Variants in ABCC3 observed in about 807,000 individuals in gnomAD.
ABCC3 encodes the protein ATP-binding cassette sub-family C member 3.
In ABCC3, 121 loss-of-function variants were observed where a neutral mutation model predicts 165.3. That is an observed-to-expected ratio of 0.73 (90% confidence interval 0.63 to 0.85). ABCC3 has a LOEUF of 0.85. Among genes scored for constraint, ABCC3 ranks in the 40% least tolerant of loss-of-function variants. The pLI is 0.00. For missense variants in ABCC3, 1,869 were observed against 1,964.1 expected (o/e 0.95, Z 0.92); for synonymous variants, 733 against 810.1 (o/e 0.90, Z 1.62).
rs749371834 is a variant in ABCC3 at position 50,639,872 on chromosome 17, TC to T, written c.45+4893del. On this transcript the variant is annotated intron_variant, in intron 1 of 30. Coordinates refer to ENST00000285238, the MANE Select transcript of ABCC3 (RefSeq NM_003786.4). ...TCCACCTCCCAGGTTCAAGCAATCC[TC>T]CTGCCTCAGCCTCCCAAGTAGCTGG... 4.0e-5 allele frequency among the ~76,000 whole-genome samples: 6 copies of T among 151,802 alleles called. No individual in the cohort carries two copies. The East Asian group carries it at 1.2e-3, about 29-fold the overall frequency.
At chr17:50,645,197 C>A (rs1330186470) in intron 1 of ABCC3, among the ~76,000 whole-genome samples, 1 of 143,478 alleles carries the variant, frequency 7.0e-6, no homozygotes, top group African/African-American at 2.7e-5. Flanking sequence ...CGAGACTTGG[C>A]CTTAAAAAAA....
At chr17:50,682,125 G>T (rs1395395561) in intron 26 of ABCC3, among the ~76,000 whole-genome samples, 1 of 152,040 alleles carries the variant, frequency 6.6e-6, no homozygotes, top group African/African-American at 2.4e-5. Flanking sequence ...AGCAGGGCTG[G>T]CTCCACAGGA....
intron 3 of ABCC3, 37 bp downstream of exon 3, chr17:50,656,864 T>C: frequency 6.3e-7 from 1 of 1,582,420 alleles, no homozygotes; most frequent in Non-Finnish European, 8.6e-7. Flanking sequence ...ATGGGGGAGG[T>C]CTCCATTGGG....
At position 50,657,163 on chromosome 17, in the gene ABCC3, A is replaced by T; in HGVS notation, c.466A>T (p.Ile156Phe). The T allele has an allele frequency of 6.2e-7, 1 of 1,614,060 alleles. No individual in the cohort carries two copies. The highest frequency in any genetic ancestry group is 8.5e-7 in the Non-Finnish European group (1 of 1,179,970). The change falls in exon 4 of 31, where the codon ATC becomes TTC. Residue 156 changes from isoleucine (I) to phenylalanine (F), a missense_variant. Ile to Phe is a conservative substitution (Grantham distance 21). Coordinates refer to ENST00000285238, the MANE Select transcript of ABCC3 (RefSeq NM_003786.4). ...VCAIVPFRSK[I>F]LLAKAEGEIS... is the part of the protein sequence containing the mutation. ...CGCCATCGTCCCATTCCGCTCCAAGATCCTTTTAGCCAAGGCAGAGGTAAG... is the reference window on the plus strand; with the variant it reads ...CGCCATCGTCCCATTCCGCTCCAAGTTCCTTTTAGCCAAGGCAGAGGTAAG...
intron 29 of ABCC3, among the ~76,000 whole-genome samples, chr17:50,686,031 G>A (rs921343735): frequency 2.0e-5 from 3 of 152,032 alleles, no homozygotes; most frequent in Non-Finnish European, 2.9e-5. Context: ...CCCTGTCTCT[G>A]CTAAACACAA....
At position 50,661,029 on chromosome 17, in the gene ABCC3, G is replaced by T. The variant is rs763471654; in HGVS notation, c.913G>T (p.Ala305Ser). 3 of 1,614,128 alleles carry T rather than the reference G, an allele frequency of 1.9e-6. No individual in the cohort carries two copies. Among genetic ancestry groups the T allele is most frequent in the Non-Finnish European group, 2.5e-6 (3 of 1,180,006 alleles). The change falls in exon 8 of 31, where the codon GCC becomes TCC. Residue 305 changes from alanine (A) to serine (S), a missense_variant. Transcript: ENST00000285238. Reference protein sequence around the residue: ...RKPSFLKALLATFGSSFLISA... With the variant: ...RKPSFLKALLSTFGSSFLISA... ...GCCCTCCTTCCTGAAGGCCCTGCTGGCCACCTTCGGCTCCAGCTTCCTCAT... is the reference window on the plus strand; with the variant it reads ...GCCCTCCTTCCTGAAGGCCCTGCTGTCCACCTTCGGCTCCAGCTTCCTCAT...
At chr17:50,670,778 C>A (rs1468823501) in intron 17 of ABCC3, among the ~76,000 whole-genome samples, 1 of 152,016 alleles carries the variant, frequency 6.6e-6, no homozygotes, top group Non-Finnish European at 1.5e-5. Context: ...GCCATGGAAC[C>A]CTGTATGGGG....
chr17:50,669,608 C>A, intron 17 of ABCC3, 80 bp downstream of exon 17: 1 of 1,464,000 alleles, frequency 6.8e-7, no homozygotes, highest in Non-Finnish European at 9.4e-7. Flanking sequence ...ATATATTCAT[C>A]CCTTCATTCA....
intron 30 of ABCC3, among the ~76,000 whole-genome samples, chr17:50,687,962 T>TC (rs920449198): frequency 1.3e-5 from 2 of 148,148 alleles, no homozygotes; most frequent in Non-Finnish European, 3.0e-5. Flanking sequence ...TTCTTCTTCT[T>TC]TTTTTTTTTT....
chr17:50,659,066 C>T, intron 6 of ABCC3, 171 bp from the exon 7 acceptor site: 1 of 736,430 alleles, frequency 1.4e-6, no homozygotes, highest in Non-Finnish European at 2.2e-6. Flanking sequence ...GAGCCAGTGA[C>T]CTCAAGCCTA....
At chr17:50,649,716 A>AGAAGGAAG (rs757041081) in intron 1 of ABCC3, among the ~76,000 whole-genome samples, 1 of 151,280 alleles carries the variant, frequency 6.6e-6, no homozygotes, top group South Asian at 2.1e-4. Context: ...AGGGAAAGAA[A>AGAAGGAAG]GAAGGAAGGA....
chr17:50,655,404 C>CAAAAAAAAAAAA (rs58586394), intron 1 of ABCC3, among the ~76,000 whole-genome samples: 3 of 56,534 alleles, frequency 5.3e-5, no homozygotes, highest in Middle Eastern at 0.018. Context: ...GACTCTGTCT[C>CAAAAAAAAAAAA]AAAAAAAAAA....
rs547018102 is a variant in ABCC3 at position 50,668,056 on chromosome 17, G to T, written c.1782+47G>T. On this transcript the variant is annotated intron_variant, in intron 13 of 30. Coordinates refer to ENST00000285238, the MANE Select transcript of ABCC3 (RefSeq NM_003786.4). The stretch of plus-strand genomic sequence containing the variant: ...GGCTCTACTGGAGTTGGAACAGGTT[G>T]TTGGGGTCAGGGAAGGGTCACTTAG... The T allele has an allele frequency of 2.8e-4, 428 of 1,556,202 alleles. 7 individuals carry two copies. The South Asian group carries it at 4.6e-3, about 17-fold the overall frequency.
intron 23 of ABCC3, among the ~76,000 whole-genome samples, chr17:50,676,893 G>C (rs1037350963): frequency 4.6e-5 from 7 of 150,760 alleles, no homozygotes; most frequent in African/African-American, 1.5e-4. Context: ...TTTTGGGGGG[G>C]GGGGGACGGA....
intron 18 of ABCC3, 148 bp downstream of exon 18, chr17:50,673,286 G>A: frequency 8.1e-7 from 1 of 1,238,760 alleles, no homozygotes; most frequent in Non-Finnish European, 1.1e-6. Context: ...AGAAACCTGT[G>A]GGGACAACTC....
intron 1 of ABCC3, among the ~76,000 whole-genome samples, chr17:50,644,489 A>C (rs79329181): frequency 6.6e-6 from 1 of 151,628 alleles, no homozygotes; most frequent in Admixed American, 6.6e-5. Context: ...AGGCTGGCAG[A>C]TCACTTGAGG....
At chr17:50,680,483 A>C (rs1337799122) in intron 26 of ABCC3, among the ~76,000 whole-genome samples, 3 of 152,132 alleles carry the variant, frequency 2.0e-5, no homozygotes, top group Non-Finnish European at 4.4e-5. Context: ...AGTGTCAAGC[A>C]TCCCATCTTT....
rs1407406579 is a variant in ABCC3 at position 50,672,513 on chromosome 17, C to A, written c.2242-458C>A. ...GGAGGACTTACCCTTTACCTCTGTC[C>A]CTCACAGCATTGCAGGGACAGACTA... On this transcript the variant is annotated intron_variant, in intron 17 of 30. Transcript: ENST00000285238. 2.6e-5 allele frequency among the ~76,000 whole-genome samples: 4 copies of A among 152,174 alleles called. No homozygotes were observed. In the East Asian group the frequency reaches 7.7e-4, roughly 29 times the overall value.
At chr17:50,639,530 C>T (rs568297615) in intron 1 of ABCC3, among the ~76,000 whole-genome samples, 2 of 152,156 alleles carry the variant, frequency 1.3e-5, no homozygotes, top group African/African-American at 2.4e-5. Context: ...TGAGCCACCC[C>T]GGAGTAGGGC....
Sources: gnomAD v4.1 joint callset for allele counts (sites outside exome capture counted in the v4.1 genomes callset) on GRCh38, gnomAD v4.1.1 for gene constraint, MANE v1.5 for transcripts, NCBI Gene and HGNC (gene_info 2026-07-23, HGNC 2026-07-21) for gene names.